Variants in SPATA13 observed in about 807,000 individuals in gnomAD.
The protein encoded by SPATA13 is spermatogenesis-associated protein 13.
In SPATA13, 50 loss-of-function variants were observed where a neutral mutation model predicts 104.0. The ratio of observed to expected loss-of-function variants is 0.48; its 90% CI spans 0.38 to 0.61. SPATA13 has a LOEUF of 0.61. Among genes scored for constraint, SPATA13 ranks in the 20% least tolerant of loss-of-function variants. The pLI, the probability that SPATA13 is intolerant of heterozygous loss-of-function variation, is 0.00. For missense variants in SPATA13, 1,524 were observed against 1,690.6 expected (o/e 0.90, Z 1.73); for synonymous variants, 606 against 667.5 (o/e 0.91, Z 1.42).
At chr13:24,295,229 C>T (rs575020884) in intron 10 of SPATA13, among the ~76,000 whole-genome samples, 1 of 152,176 alleles carries the variant, frequency 6.6e-6, no homozygotes, top group East Asian at 1.9e-4. Context: ...CATGTGAATC[C>T]TGTATGATCT....
At chr13:23,997,223 G>A (rs559779798) in intron 2 of SPATA13, among the ~76,000 whole-genome samples, 1 of 152,200 alleles carries the variant, frequency 6.6e-6, no homozygotes, top group Non-Finnish European at 1.5e-5. Context: ...AGGTATAATG[G>A]GCATAGAATG....
chr13:23,981,218 G>A (rs1874876962), intron 1 of SPATA13, among the ~76,000 whole-genome samples: 1 of 152,130 alleles, frequency 6.6e-6, no homozygotes, highest in South Asian at 2.1e-4. Flanking sequence ...AGATGTGCTA[G>A]GTGATTTTGT....
chr13:24,111,100 G>A (rs1222700183), intron 3 of SPATA13, among the ~76,000 whole-genome samples: 1 of 151,640 alleles, frequency 6.6e-6, no homozygotes, highest in African/African-American at 2.4e-5. Flanking sequence ...TCTAGAAATG[G>A]GGTCTTGCTA....
intron 3 of SPATA13, among the ~76,000 whole-genome samples, chr13:24,150,731 G>C (rs1403409737): frequency 6.6e-6 from 1 of 152,090 alleles, no homozygotes; most frequent in African/African-American, 2.4e-5. Context: ...TTGCAGTCTT[G>C]AGGCCGAAGT....
At chr13:24,165,493 A>G (rs955953711) in intron 1 of SPATA13, among the ~76,000 whole-genome samples, 15 of 152,176 alleles carry the variant, frequency 9.9e-5, no homozygotes, top group Non-Finnish European at 1.9e-4. Context: ...GAGAGTTTCA[A>G]TGGAGGGAGG....
intron 4 of SPATA13, chr13:24,252,724 CA>C (rs959389237): frequency 5.3e-5 from 8 of 152,176 alleles, no homozygotes; most frequent in Non-Finnish European, 7.3e-5. Context: ...CGAAAAGCAA[CA>C]AAACCTAACT....
intron 3 of SPATA13, chr13:24,251,480 C>A (rs1198657314): frequency 1.0e-6 from 1 of 985,392 alleles, no homozygotes; most frequent in Non-Finnish European, 1.2e-6. Context: ...ATGTTGCAGA[C>A]AAGTGAGATG....
chr13:24,251,480 C>T, intron 3 of SPATA13: 2 of 985,392 alleles, frequency 2.0e-6, no homozygotes, highest in Non-Finnish European at 2.4e-6. Context: ...ATGTTGCAGA[C>T]AAGTGAGATG....
chr13:24,124,530 C>T (rs559227234), intron 3 of SPATA13, among the ~76,000 whole-genome samples: 1 of 152,192 alleles, frequency 6.6e-6, no homozygotes, highest in Non-Finnish European at 1.5e-5. Context: ...ACGCAGTGCT[C>T]TCATCTAGAT....
rs1877555808 is a variant in SPATA13 at position 24,306,001 on chromosome 13, G to A, written c.*3228G>A. The A allele has an allele frequency of 6.6e-6, 1 of 152,160 alleles. No homozygotes were observed. Among genetic ancestry groups the A allele is most frequent in the South Asian group, 2.1e-4 (1 of 4,834 alleles). 9.4% of individuals were successfully genotyped at this position (152,160 alleles called of 1,614,324 possible). On this transcript the variant is annotated 3_prime_UTR_variant, in exon 13 of 13. Coordinates refer to ENST00000382108, the MANE Select transcript of SPATA13 (RefSeq NM_001166271.3). Reference sequence around the variant, plus strand: ...AGCTTCCCTGGGATACCAGCCACATGGTTTCTTTTCATTAGATCTGATTTT... The same window carrying A: ...AGCTTCCCTGGGATACCAGCCACATAGTTTCTTTTCATTAGATCTGATTTT...
At position 24,219,366 on chromosome 13, in the gene SPATA13, T is replaced by G. The variant is rs1479559264; in HGVS notation, c.-111-3453T>G. On this transcript the variant is annotated intron_variant, in intron 1 of 12. Coordinates refer to ENST00000382108, the MANE Select transcript of SPATA13 (RefSeq NM_001166271.3). The stretch of plus-strand genomic sequence containing the variant: ...GTCACTGGTCGTTTAAAAAGCATAT[T>G]GTCCCAATTAGAAACCCCAATTTTT... Among the ~76,000 whole-genome samples the G allele has an allele frequency of 3.9e-5, 6 of 152,246 alleles. No homozygotes were observed. In the East Asian group the frequency reaches 7.7e-4, roughly 19 times the overall value.
intron 2 of SPATA13, among the ~76,000 whole-genome samples, chr13:23,993,409 G>A (rs1875506303): frequency 6.6e-6 from 1 of 152,226 alleles, no homozygotes; most frequent in Admixed American, 6.5e-5. Flanking sequence ...TCCTAGCAGT[G>A]TACTACCCAC....
At chr13:24,063,299 A>G (rs1373724784) in intron 3 of SPATA13, among the ~76,000 whole-genome samples, 1 of 152,170 alleles carries the variant, frequency 6.6e-6, no homozygotes, top group Admixed American at 6.5e-5. Context: ...TGATTTTTTA[A>G]TTGACAAATA....
intron 1 of SPATA13, among the ~76,000 whole-genome samples, chr13:24,199,249 A>G (rs9580896): frequency 0.011 from 1,607 of 152,282 alleles, 32 homozygotes; most frequent in African/African-American, 0.036. Flanking sequence ...CACCCACGCC[A>G]GCTGCAATCC....
chr13:24,124,868 AT>A (rs1202546281), intron 3 of SPATA13, among the ~76,000 whole-genome samples: 3 of 152,016 alleles, frequency 2.0e-5, no homozygotes, highest in Non-Finnish European at 2.9e-5. Flanking sequence ...ATATTGTCAG[AT>A]TTTTTGTCTT....
At chr13:24,293,080 A>G (rs889090307) in intron 9 of SPATA13, among the ~76,000 whole-genome samples, 11 of 150,944 alleles carry the variant, frequency 7.3e-5, no homozygotes, top group African/African-American at 2.4e-4. Context: ...GAATAAGAGC[A>G]GATCACTGAA....
intron 3 of SPATA13, among the ~76,000 whole-genome samples, chr13:24,146,397 C>A (rs1284008539): frequency 6.6e-6 from 1 of 152,206 alleles, no homozygotes; most frequent in Non-Finnish European, 1.5e-5. Context: ...CACCGAGTAC[C>A]CTTGTGATCG....
At chr13:24,252,117 C>CA (rs1047953944) in intron 4 of SPATA13, among the ~76,000 whole-genome samples, 2 of 152,122 alleles carry the variant, frequency 1.3e-5, no homozygotes, top group African/African-American at 4.8e-5. Context: ...TACATTCCTG[C>CA]ATGTGGAGAT....
intron 3 of SPATA13, among the ~76,000 whole-genome samples, chr13:24,096,026 C>T (rs1187035407): frequency 2.0e-5 from 3 of 152,168 alleles, no homozygotes; most frequent in East Asian, 3.9e-4. Context: ...GGTCACTTCC[C>T]AGCTAAGCCT....
Sources: gnomAD v4.1 joint callset for allele counts (sites outside exome capture counted in the v4.1 genomes callset) on GRCh38, gnomAD v4.1.1 for gene constraint, MANE v1.5 for transcripts, NCBI Gene and HGNC (gene_info 2026-07-23, HGNC 2026-07-21) for gene names.